DIS3L2: variants seen among roughly 807,000 people sequenced by gnomAD.
DIS3L2 encodes DIS3 like 3'-5' exoribonuclease 2.
DIS3L2 carries 34 observed loss-of-function variants against 97.5 expected under a neutral mutation model. The ratio of observed to expected loss-of-function variants is 0.35; its 90% CI spans 0.27 to 0.46. The LOEUF is 0.46. Ranked by LOEUF, DIS3L2 falls within the 20% of genes least tolerant of loss-of-function variation. The pLI is 1.00. For synonymous variants in DIS3L2, 435 were observed against 445.2 expected, an observed-to-expected ratio of 0.98 and a Z score of 0.29; for missense variants, 1,038 against 1,146.0, an observed-to-expected ratio of 0.91 and a Z score of 1.36.
chr2:232,246,767 T>C (rs890607981), intron 11 of DIS3L2, among the ~76,000 whole-genome samples: 25 of 152,206 alleles, frequency 1.6e-4, no homozygotes, highest in African/African-American at 5.8e-4. Context: ...AAATAATATC[T>C]GAACCCCAAA....
At chr2:232,175,662 A>G (rs1327616207) in intron 9 of DIS3L2, among the ~76,000 whole-genome samples, 2 of 151,982 alleles carry the variant, frequency 1.3e-5, no homozygotes, top group Non-Finnish European at 2.9e-5. Context: ...TTGGTGTACA[A>G]ATGATTTTGT....
chr2:232,017,880 C>T (rs1470839156), intron 3 of DIS3L2, among the ~76,000 whole-genome samples: 2 of 152,124 alleles, frequency 1.3e-5, no homozygotes, highest in South Asian at 2.1e-4. Context: ...CTTTGTTTTC[C>T]CTTTATTCTA....
intron 6 of DIS3L2, among the ~76,000 whole-genome samples, chr2:232,108,674 A>G (rs767467546): frequency 3.3e-5 from 5 of 152,218 alleles, no homozygotes; most frequent in Non-Finnish European, 7.3e-5. Context: ...TGTCAGCCCA[A>G]AAGCTTCTTA....
At chr2:232,035,574 A>T (rs1255887122) in intron 5 of DIS3L2, among the ~76,000 whole-genome samples, 1 of 152,162 alleles carries the variant, frequency 6.6e-6, no homozygotes. Flanking sequence ...CCATTAGTTG[A>T]TGCAGTTTCT....
At chr2:232,233,247 T>C (rs1439027327) in intron 10 of DIS3L2, among the ~76,000 whole-genome samples, 1 of 152,190 alleles carries the variant, frequency 6.6e-6, no homozygotes, top group Non-Finnish European at 1.5e-5. Flanking sequence ...TTCCTCACAG[T>C]CCTTGAGGCT....
intron 1 of DIS3L2, among the ~76,000 whole-genome samples, chr2:232,006,637 GA>G (rs201434977): frequency 0.014 from 2,142 of 152,290 alleles, 11 homozygotes; most frequent in Non-Finnish European, 0.021. Flanking sequence ...CAGAGCTGGA[GA>G]TGAAAATTTA....
At chr2:232,172,826 G>A in intron 9 of DIS3L2, 2 of 520,920 alleles carry the variant, frequency 3.8e-6, no homozygotes, top group South Asian at 1.5e-5. Flanking sequence ...TAGGTGTGGG[G>A]TAGTATCTCA....
In DIS3L2 at chr2:232,083,796, A is replaced by G. The variant is rs192484774; in HGVS notation, c.367-3691A>G. Among the ~76,000 whole-genome samples, 26 of 152,268 alleles carry G rather than the reference A, an allele frequency of 1.7e-4. 1 individual carries two copies. The East Asian group carries it at 3.1e-3, about 18-fold the overall frequency. ...AGGTGTGAGCCACCACGCCAGGCCCATAATGTCTTTCCAGGAGACTACCTT... is the reference window on the plus strand; with the variant it reads ...AGGTGTGAGCCACCACGCCAGGCCCGTAATGTCTTTCCAGGAGACTACCTT... On this transcript the variant is annotated intron_variant, in intron 5 of 20. Transcript: ENST00000325385.
At chr2:231,974,540 C>CTT (rs35535304) in intron 1 of DIS3L2, among the ~76,000 whole-genome samples, 15,446 of 131,038 alleles carry the variant, frequency 0.12, 1,028 homozygotes, top group African/African-American at 0.2. Flanking sequence ...TAATTTGGAT[C>CTT]TTTTTTTTTT....
At chr2:232,158,824 T>C (rs1374512434) in intron 8 of DIS3L2, among the ~76,000 whole-genome samples, 1 of 152,192 alleles carries the variant, frequency 6.6e-6, no homozygotes, top group Non-Finnish European at 1.5e-5. Context: ...GTAACTCAGA[T>C]TCCATTAATT....
At chr2:232,169,061 T>A (rs1023884771) in intron 9 of DIS3L2, among the ~76,000 whole-genome samples, 5 of 152,100 alleles carry the variant, frequency 3.3e-5, no homozygotes, top group Admixed American at 3.3e-4. Context: ...AGTAGTCAAA[T>A]GTGGAATTGT....
intron 5 of DIS3L2, among the ~76,000 whole-genome samples, chr2:232,085,717 G>T (rs189639558): frequency 6.6e-6 from 1 of 152,128 alleles, no homozygotes; most frequent in Admixed American, 6.5e-5. Context: ...AACACCTGGT[G>T]TATTTTAATA....
intron 5 of DIS3L2, among the ~76,000 whole-genome samples, chr2:232,059,239 T>G (rs1042688112): frequency 6.6e-6 from 1 of 152,218 alleles, no homozygotes; most frequent in Non-Finnish European, 1.5e-5. Context: ...AACTCATTTT[T>G]TATGCTTCTA....
chr2:232,217,963 A>T (rs1692387710), intron 10 of DIS3L2, among the ~76,000 whole-genome samples: 1 of 152,250 alleles, frequency 6.6e-6, no homozygotes, highest in Non-Finnish European at 1.5e-5. Context: ...GCCTGTGCAG[A>T]TGCTTCTTGG....
At chr2:232,298,670 C>T (rs1041267402) in intron 13 of DIS3L2, among the ~76,000 whole-genome samples, 2 of 152,038 alleles carry the variant, frequency 1.3e-5, no homozygotes, top group African/African-American at 4.8e-5. Flanking sequence ...TAGCTGTGTT[C>T]GCAGCCTTGT....
intron 14 of DIS3L2, among the ~76,000 whole-genome samples, chr2:232,312,743 T>A (rs895378071): frequency 2.6e-5 from 4 of 152,228 alleles, no homozygotes; most frequent in African/African-American, 9.6e-5. Context: ...GGTACCTCCC[T>A]CTATTTAGAG....
At chr2:232,009,494 A>G (rs58796011) in intron 1 of DIS3L2, among the ~76,000 whole-genome samples, 36,124 of 151,874 alleles carry the variant, frequency 0.24, 7,467 homozygotes, top group African/African-American at 0.57. Context: ...ATGGCTGTCA[A>G]GTATTTGCCT....
intron 14 of DIS3L2, among the ~76,000 whole-genome samples, chr2:232,308,816 C>G (rs547726228): frequency 6.6e-6 from 1 of 152,314 alleles, no homozygotes; most frequent in Non-Finnish European, 1.5e-5. Flanking sequence ...TGGCATCCCC[C>G]GGGGTCTCAG....
intron 4 of DIS3L2, 37 bp from the exon 5 acceptor site, chr2:232,029,942 T>A: frequency 6.7e-7 from 1 of 1,489,164 alleles, no homozygotes. Flanking sequence ...TATGTGTTTT[T>A]AAGCTCACTA....
Sources: allele counts gnomAD v4.1 joint callset (sites outside exome capture counted in the v4.1 genomes callset), GRCh38; gene constraint gnomAD v4.1.1; transcripts MANE v1.5; gene names NCBI Gene and HGNC (gene_info 2026-07-23, HGNC 2026-07-21).